ERGIC1: variants seen among roughly 807,000 people sequenced by gnomAD.
ERGIC1 encodes the protein endoplasmic reticulum-Golgi intermediate compartment protein 1.
In ERGIC1, 19 loss-of-function variants were observed where a neutral mutation model predicts 38.3. The ratio of observed to expected loss-of-function variants is 0.50; its 90% CI spans 0.35 to 0.73. The LOEUF (loss-of-function observed/expected upper bound fraction) is 0.73, where lower values mean the gene tolerates loss of function less well. Among genes scored for constraint, ERGIC1 ranks in the 30% least tolerant of loss-of-function variants. ERGIC1 has a pLI of 0.01. For missense variants in ERGIC1, 294 were observed against 389.2 expected (o/e 0.76, Z 2.06); for synonymous variants, 124 against 157.6 (o/e 0.79, Z 1.60).
chr5:172,866,867 C>A, intron 1 of ERGIC1: 1 of 310,500 alleles, frequency 3.2e-6, no homozygotes, highest in Non-Finnish European at 6.3e-6. Flanking sequence ...TAGCTCCAGG[C>A]AGGCAGAGAC....
intron 1 of ERGIC1, among the ~76,000 whole-genome samples, chr5:172,879,116 CAG>C (rs1581535287): frequency 6.6e-6 from 1 of 152,204 alleles, no homozygotes; most frequent in East Asian, 1.9e-4. Flanking sequence ...TGGCGAACCA[CAG>C]AGTGATCCGA....
At chr5:172,939,309 C>T (rs1265981572) in intron 9 of ERGIC1, among the ~76,000 whole-genome samples, 5 of 152,166 alleles carry the variant, frequency 3.3e-5, no homozygotes, top group African/African-American at 9.7e-5. Context: ...AACAAGAGGG[C>T]GCCATCCCCT....
intron 5 of ERGIC1, among the ~76,000 whole-genome samples, chr5:172,923,623 C>G (rs772989995): frequency 6.6e-6 from 1 of 152,154 alleles, no homozygotes; most frequent in African/African-American, 2.4e-5. Context: ...GAGGAATCCC[C>G]ATTAGTCTGC....
At chr5:172,894,618 A>C (rs1460666575) in intron 2 of ERGIC1, among the ~76,000 whole-genome samples, 1 of 152,076 alleles carries the variant, frequency 6.6e-6, no homozygotes, top group Non-Finnish European at 1.5e-5. Flanking sequence ...TAAGTTCTTG[A>C]GGTTCCTTTT....
intron 9 of ERGIC1, among the ~76,000 whole-genome samples, chr5:172,948,054 T>G (rs1422678941): frequency 6.6e-6 from 1 of 152,210 alleles, no homozygotes; most frequent in Non-Finnish European, 1.5e-5. Context: ...TGCCGTCATC[T>G]TCCCTGAAAA....
chr5:172,897,754 G>T (rs1003345850), intron 3 of ERGIC1: 1 of 413,514 alleles, frequency 2.4e-6, no homozygotes, highest in Non-Finnish European at 4.4e-6. Flanking sequence ...TGAAACTAAT[G>T]GGTACAGCTT....
Position 172,926,546 on chromosome 5 carries a change from G to A in ERGIC1, c.518G>A (p.Gly173Glu), listed in dbSNP as rs753860135. The A allele has an allele frequency of 6.2e-7, 1 of 1,613,064 alleles. No individual in the cohort carries two copies. The highest frequency in any genetic ancestry group is 1.3e-5 in the African/African-American group (1 of 74,986). ...NIHGAFNALG[G>E]ADRLTSNPLA... ...CACGGAGCTTTCAATGCTCTCGGGGGAGCAGACAGACTCACCTCCAACCGT... is the reference window on the plus strand; with the variant it reads ...CACGGAGCTTTCAATGCTCTCGGGGAAGCAGACAGACTCACCTCCAACCGT... The change falls in exon 7 of 10, where the codon GGA becomes GAA. Residue 173 changes from glycine to glutamate, a missense_variant. This residue lies in a region of ERGIC1 where 109 missense variants were observed against 112.7 expected (regional missense o/e 0.97). Coordinates refer to ENST00000393784, the MANE Select transcript of ERGIC1 (RefSeq NM_001031711.3). The surrounding 1 kb of genome is among the most constrained non-coding windows in gnomAD (Gnocchi z 5.2).
At chr5:172,906,255 T>A in intron 3 of ERGIC1, 1 of 445,664 alleles carries the variant, frequency 2.2e-6, no homozygotes, top group Non-Finnish European at 4.5e-6. Flanking sequence ...TTGACCCTGA[T>A]GCTGAGGAGA....
chr5:172,875,894 G>A (rs1015300638), intron 1 of ERGIC1, among the ~76,000 whole-genome samples: 10 of 152,238 alleles, frequency 6.6e-5, no homozygotes, highest in African/African-American at 2.2e-4. Context: ...GAAGAAACTA[G>A]GTCATTTATT....
intron 1 of ERGIC1, chr5:172,866,914 G>A (rs1288612119): frequency 9.8e-6 from 3 of 307,346 alleles, no homozygotes; most frequent in South Asian, 4.8e-5. Context: ...CATTAGCAGA[G>A]CAGGTGCTAG....
At chr5:172,927,846 C>G (rs149356725) in intron 7 of ERGIC1, among the ~76,000 whole-genome samples, 6 of 152,252 alleles carry the variant, frequency 3.9e-5, no homozygotes, top group Non-Finnish European at 7.4e-5. Context: ...CTCTGCTTTT[C>G]TAAGTCATTG....
chr5:172,887,525 T>C (rs1762453285), intron 1 of ERGIC1, among the ~76,000 whole-genome samples: 1 of 152,202 alleles, frequency 6.6e-6, no homozygotes, highest in African/African-American at 2.4e-5. Flanking sequence ...GGTGAAGTCG[T>C]TTGCTGAAGG....
intron 2 of ERGIC1, among the ~76,000 whole-genome samples, chr5:172,893,916 T>TATATATATATAC (rs1420718318): frequency 2.4e-5 from 2 of 81,786 alleles, no homozygotes; most frequent in Non-Finnish European, 5.0e-5. Context: ...TGTGTGTGTG[T>TATATATATATAC]GTGTGTGTGT....
At chr5:172,924,896 C>T (rs1763615315) in intron 6 of ERGIC1, among the ~76,000 whole-genome samples, 1 of 152,186 alleles carries the variant, frequency 6.6e-6, no homozygotes, top group African/African-American at 2.4e-5. Context: ...AACATGGTCC[C>T]TGCCCACCTG....
In ERGIC1 at chr5:172,914,234, C is replaced by CAA. The variant is rs35584191; in HGVS notation, c.251-458_251-457dup. 2.7e-3 allele frequency among the ~76,000 whole-genome samples: 272 copies of CAA among 102,028 alleles called. 1 individual carries two copies. The highest frequency in any genetic ancestry group is 7.7e-3 in the East Asian group (23 of 3,006). The allele number at this position is 102,028 out of a possible 152,430, so 66.9% of individuals were successfully genotyped here. On this transcript the variant is annotated intron_variant, in intron 4 of 9. Transcript: ENST00000393784. ...TGGGCAAGAGAGCAAGACTCTGTCT[C>CAA]AAAAAAAAAAAAAAAAAAAAAAATA...
intron 5 of ERGIC1, among the ~76,000 whole-genome samples, chr5:172,918,497 G>T (rs1411564796): frequency 6.6e-6 from 1 of 152,240 alleles, no homozygotes; most frequent in Non-Finnish European, 1.5e-5. Context: ...AGAAGGGGCA[G>T]TCGAACAGGA....
intron 4 of ERGIC1, among the ~76,000 whole-genome samples, chr5:172,913,188 G>A (rs1561732503): frequency 6.6e-6 from 1 of 152,250 alleles, no homozygotes; most frequent in Non-Finnish European, 1.5e-5. Context: ...TCTGCTCTGA[G>A]CCTCCTCCAC....
Position 172,926,591 on chromosome 5 carries a change from A to C in ERGIC1, c.541+22A>C. 6.2e-7 allele frequency: 1 copy of C among 1,610,254 alleles called. No individual in the cohort carries two copies. Among genetic ancestry groups the C allele is most frequent in the Admixed American group, 1.7e-5 (1 of 60,024 alleles). On this transcript the variant is annotated intron_variant, in intron 7 of 9. Transcript: ENST00000393784. This position sits in a 1 kb window ranked among gnomAD's most constrained non-coding sequence, Gnocchi z 5.2. ...AACCGTATGTATCCCTGCTGGGAAC[A>C]GCCTTCTGCTCCAAGATGCCCAGTA... is the stretch of plus-strand genomic sequence containing the variant.
intron 3 of ERGIC1, among the ~76,000 whole-genome samples, chr5:172,904,708 G>A (rs564100631): frequency 6.6e-6 from 1 of 152,378 alleles, no homozygotes; most frequent in South Asian, 2.1e-4. Flanking sequence ...CTGCCATGGG[G>A]TGGTTGTGGG....
Sources: gnomAD v4.1 joint callset for allele counts (sites outside exome capture counted in the v4.1 genomes callset) on GRCh38, gnomAD v4.1.1 for gene constraint, gnomAD v4.1.1 regional missense constraint, Gnocchi (gnomAD v3.1) non-coding constraint, MANE v1.5 for transcripts, NCBI Gene and HGNC (gene_info 2026-07-23, HGNC 2026-07-21) for gene names.